The following PHGDH variants were observed in gnomAD, a reference collection of about 807,000 sequenced individuals.
PHGDH encodes the protein D-3-phosphoglycerate dehydrogenase.
PHGDH carries 50 observed loss-of-function variants against 52.6 expected under a neutral mutation model. The observed-to-expected ratio is 0.95, with a 90% CI of 0.76 to 1.20. The LOEUF (loss-of-function observed/expected upper bound fraction) is 1.20. Among genes scored for constraint, PHGDH ranks in the 50% most tolerant of loss-of-function variants. The probability of loss-of-function intolerance (pLI) is 0.00; values close to 1 mark genes in which losing one functional copy is unlikely to be tolerated. For synonymous variants in PHGDH, 271 were observed against 280.5 expected (o/e 0.97, Z 0.34); for missense variants, 630 against 684.6 (o/e 0.92, Z 0.89).
intron 3 of PHGDH, 138 bp downstream of exon 3, chr1:119,723,579 C>G (rs201703517): frequency 8.2e-6 from 6 of 728,554 alleles, no homozygotes; most frequent in East Asian, 7.9e-5. Flanking sequence ...GACATGCAGA[C>G]TGCAAAGAAC....
chr1:119,727,455 A>C (rs1475265574), intron 5 of PHGDH: 1 of 353,264 alleles, frequency 2.8e-6, no homozygotes, highest in Non-Finnish European at 5.4e-6. Context: ...TTGCAAAGGA[A>C]AAAGAATATT....
chr1:119,719,943 A>T (rs896577323), intron 1 of PHGDH: 1 of 152,214 alleles, frequency 6.6e-6, no homozygotes, highest in Non-Finnish European at 1.5e-5. Context: ...GTATAGAGTG[A>T]GGTGAATTAC....
rs1270606502 is a variant in PHGDH, at chr1:119,712,133, C to T, written c.111C>T (p.Ser37=). The T allele has an allele frequency of 1.2e-6, 2 of 1,613,948 alleles. No homozygotes were observed. Among genetic ancestry groups the T allele is most frequent in the African/African-American group, 2.7e-5 (2 of 74,930 alleles). ...GLQVVEKQNL[S]KEELIAELQD... ...AGGTGGTGGAAAAGCAGAACCTTAGCAAAGAGGAGCTGATAGCGGAGCTGC... is the reference window on the plus strand; with the variant it reads ...AGGTGGTGGAAAAGCAGAACCTTAGTAAAGAGGAGCTGATAGCGGAGCTGC... The change falls in exon 1 of 12, where the codon AGC becomes AGT. Residue 37 remains serine (S), a synonymous_variant. Coordinates refer to ENST00000641023, the MANE Select transcript of PHGDH (RefSeq NM_006623.4).
chr1:119,721,363 G>A (rs757345833), intron 2 of PHGDH, 42 bp downstream of exon 2: 2 of 1,598,068 alleles, frequency 1.3e-6, no homozygotes, highest in Non-Finnish European at 1.7e-6. Context: ...GTAGGGGGGT[G>A]AGTGCGGAGA....
intron 5 of PHGDH, chr1:119,727,421 C>T: frequency 4.8e-6 from 2 of 419,790 alleles, no homozygotes; most frequent in Non-Finnish European, 8.9e-6. Context: ...AAACAAGAGA[C>T]ACGGTGCAGC....
intron 5 of PHGDH, among the ~76,000 whole-genome samples, chr1:119,732,596 T>G (rs34205653): frequency 0.026 from 3,887 of 152,288 alleles, 62 homozygotes; most frequent in Non-Finnish European, 0.031. Context: ...TTCTCTGCCC[T>G]GGTTATCTCA....
intron 5 of PHGDH, among the ~76,000 whole-genome samples, chr1:119,732,712 C>T (rs985136638): frequency 1.3e-5 from 2 of 152,198 alleles, no homozygotes; most frequent in African/African-American, 4.8e-5. Flanking sequence ...GTCAGTGCTT[C>T]GCTCACCCCT....
chr1:119,727,303 G>A (rs1304609514), intron 5 of PHGDH: 12 of 612,190 alleles, frequency 2.0e-5, no homozygotes, highest in African/African-American at 3.7e-5. Context: ...AATACTTGGT[G>A]GGGGTCCTTT....
chr1:119,715,659 A>G (rs1650897924), intron 1 of PHGDH: 1 of 152,194 alleles, frequency 6.6e-6, no homozygotes, highest in African/African-American at 2.4e-5. Flanking sequence ...CTGAGTTAGC[A>G]GTTTGTCTCG....
At chr1:119,718,914 A>G (rs1236719127) in intron 1 of PHGDH, among the ~76,000 whole-genome samples, 2 of 152,202 alleles carry the variant, frequency 1.3e-5, no homozygotes, top group Non-Finnish European at 2.9e-5. Context: ...TGATCACAAC[A>G]AAAATGGTGG....
At chr1:119,731,738 G>T (rs1473900454) in intron 5 of PHGDH, among the ~76,000 whole-genome samples, 1 of 152,180 alleles carries the variant, frequency 6.6e-6, no homozygotes, top group Non-Finnish European at 1.5e-5. Flanking sequence ...AGCCTTCCAG[G>T]CTGGCATTCT....
At chr1:119,730,410 G>A (rs1651638820) in intron 5 of PHGDH, among the ~76,000 whole-genome samples, 1 of 152,096 alleles carries the variant, frequency 6.6e-6, no homozygotes, top group African/African-American at 2.4e-5. Context: ...CTTGGACAAG[G>A]CTATACTTGA....
intron 1 of PHGDH, among the ~76,000 whole-genome samples, chr1:119,718,753 T>C (rs996006093): frequency 1.3e-5 from 2 of 152,246 alleles, no homozygotes; most frequent in African/African-American, 4.8e-5. Context: ...AAATGGTTTA[T>C]GTGCTGGTGA....
intron 1 of PHGDH, among the ~76,000 whole-genome samples, chr1:119,713,965 C>T (rs1650811398): frequency 6.6e-6 from 1 of 152,056 alleles, no homozygotes; most frequent in African/African-American, 2.4e-5. Context: ...TGCTGGGAGT[C>T]TGGTGCTGAA....
intron 7 of PHGDH, 85 bp from the exon 8 acceptor site, chr1:119,737,029 C>T (rs2101203982): frequency 7.1e-7 from 1 of 1,400,768 alleles, no homozygotes; most frequent in Non-Finnish European, 1.0e-6. Flanking sequence ...ACTGCCTTCC[C>T]TCCAACTTTC....
At chr1:119,729,928 T>C (rs1651619886) in intron 5 of PHGDH, 1 of 152,152 alleles carries the variant, frequency 6.6e-6, no homozygotes, top group Non-Finnish European at 1.5e-5. Flanking sequence ...TTCTTAACTG[T>C]CTTGCTTCCA....
intron 5 of PHGDH, among the ~76,000 whole-genome samples, chr1:119,732,861 G>A (rs373493046): frequency 1.3e-5 from 2 of 152,288 alleles, no homozygotes; most frequent in East Asian, 3.9e-4. Flanking sequence ...TGAGCATGGA[G>A]TAGACGTCAG....
chr1:119,741,017 C>A (rs587700903), intron 9 of PHGDH, among the ~76,000 whole-genome samples: 1 of 152,102 alleles, frequency 6.6e-6, no homozygotes, highest in African/African-American at 2.4e-5. Flanking sequence ...TACCTTGGGC[C>A]GTCTGACAGC....
intron 5 of PHGDH, among the ~76,000 whole-genome samples, chr1:119,733,861 A>G (rs1030864636): frequency 6.6e-6 from 1 of 152,144 alleles, no homozygotes. Flanking sequence ...ATTTCTCTTC[A>G]AATAATTCCC....
Sources: allele counts gnomAD v4.1 joint callset (sites outside exome capture counted in the v4.1 genomes callset), GRCh38; gene constraint gnomAD v4.1.1; transcripts MANE v1.5; gene names NCBI Gene and HGNC (gene_info 2026-07-23, HGNC 2026-07-21).